The following SRC variants were observed in gnomAD, a reference collection of about 807,000 sequenced individuals.
SRC encodes SRC proto-oncogene, non-receptor tyrosine kinase, also known as proto-oncogene tyrosine-protein kinase Src.
In SRC, 13 loss-of-function variants were observed where a neutral mutation model predicts 62.9. That is an observed-to-expected ratio of 0.21 (90% CI 0.13 to 0.33). The LOEUF is 0.33. Ranked by LOEUF, SRC falls within the 10% of genes least tolerant of loss-of-function variation. The pLI is 1.00. For missense variants in SRC, 457 were observed against 737.3 expected (o/e 0.62, Z 4.40); for synonymous variants, 302 against 317.5 (o/e 0.95, Z 0.52).
intron 1 of SRC, among the ~76,000 whole-genome samples, chr20:37,346,822 C>G (rs6090521): frequency 2.0e-5 from 3 of 152,230 alleles, no homozygotes; most frequent in African/African-American, 7.2e-5. Flanking sequence ...TTGGTCTCCC[C>G]TGCCCACAGC....
At chr20:37,375,972 C>A (rs896938124) in intron 2 of SRC, among the ~76,000 whole-genome samples, 9 of 152,180 alleles carry the variant, frequency 5.9e-5, no homozygotes, top group African/African-American at 1.9e-4. Context: ...GGGCACTAAT[C>A]CCGTCATAAG....
At chr20:37,354,936 G>A (rs1042827596) in intron 1 of SRC, among the ~76,000 whole-genome samples, 11 of 152,222 alleles carry the variant, frequency 7.2e-5, no homozygotes, top group African/African-American at 2.7e-4. Flanking sequence ...TATAGAAAGT[G>A]TCACTGTTAA....
At chr20:37,358,928 G>A (rs2069925411) in intron 1 of SRC, among the ~76,000 whole-genome samples, 1 of 152,284 alleles carries the variant, frequency 6.6e-6, no homozygotes. Context: ...GACCAGGCAT[G>A]TCCTGGCTGC....
At chr20:37,385,300 G>A (rs546449222) in intron 4 of SRC, among the ~76,000 whole-genome samples, 1 of 152,316 alleles carries the variant, frequency 6.6e-6, no homozygotes, top group East Asian at 1.9e-4. Context: ...AGACGCAGAC[G>A]CACGCCCAAG....
At position 37,400,272 on chromosome 20, in the gene SRC, C is replaced by T. The variant is rs369546920; in HGVS notation, c.1017C>T (p.Ile339=). The T allele has an allele frequency of 7.4e-5, 119 of 1,613,170 alleles. No homozygotes were observed. Among genetic ancestry groups the T allele is most frequent in the South Asian group, 3.7e-4 (34 of 90,910 alleles). The change falls in exon 10 of 14, where the codon ATC becomes ATT. Residue 339 remains isoleucine, a synonymous_variant. Coordinates refer to ENST00000373578, the MANE Select transcript of SRC (RefSeq NM_198291.3). The part of the protein sequence containing the change: ...YAVVSEEPIY[I]VTEYMSKGSL... Reference sequence around the variant, plus strand: ...TGGTTTCAGAGGAGCCCATTTACATCGTCACGGAGTACATGAGCAAGGGTG... The same window carrying T: ...TGGTTTCAGAGGAGCCCATTTACATTGTCACGGAGTACATGAGCAAGGGTG...
chr20:37,371,999 C>T (rs1269621249), intron 2 of SRC, among the ~76,000 whole-genome samples: 2 of 151,944 alleles, frequency 1.3e-5, no homozygotes, highest in Admixed American at 6.6e-5. Context: ...CTACACCTGG[C>T]CTATTTCTAT....
intron 5 of SRC, 59 bp from the exon 6 acceptor site, chr20:37,393,836 A>C: frequency 3.9e-6 from 5 of 1,288,564 alleles, no homozygotes; most frequent in Non-Finnish European, 4.5e-6. Flanking sequence ...GATGGTGGGC[A>C]CCGGGCTTGT....
At position 37,384,689 on chromosome 20, in the gene SRC, G is replaced by GT. The variant is rs11086187; in HGVS notation, c.250+286_250+287insT. The stretch of plus-strand genomic sequence containing the variant: ...CCCAAGAAGAAGAAGGGCGGCGCGG[G>GT]ACCGGGCCTGTTGCTGCCTTGGCGC... On this transcript the variant is annotated intron_variant, in intron 4 of 13. Transcript: ENST00000373578. This position sits in a 1 kb window ranked among gnomAD's most constrained non-coding sequence, Gnocchi z 6.7. 0.017 allele frequency among the ~76,000 whole-genome samples: 13 copies of GT among 744 alleles called. No individual in the cohort carries two copies. The highest frequency in any genetic ancestry group is 0.026 in the Non-Finnish European group (12 of 464). The allele number at this position is 744 out of a possible 152,430, so 0.5% of individuals were successfully genotyped here. A position where few individuals can be genotyped will look rare whatever the true frequency, so the allele number is the denominator to read the frequency against.
intron 1 of SRC, among the ~76,000 whole-genome samples, chr20:37,352,750 C>T (rs1225015355): frequency 6.6e-6 from 1 of 152,178 alleles, no homozygotes; most frequent in African/African-American, 2.4e-5. Context: ...TAGAGGTGCC[C>T]TGCCCCGATC....
Position 37,397,581 on chromosome 20 carries a change from C to T in SRC, c.704-118C>T. 1 of 1,341,236 alleles carries T rather than the reference C, an allele frequency of 7.5e-7. No homozygotes were observed. The allele number at this position is 1,341,236 out of a possible 1,614,324, so 83.1% of individuals were successfully genotyped here. On this transcript the variant is annotated intron_variant, in intron 8 of 13. Coordinates refer to ENST00000373578, the MANE Select transcript of SRC (RefSeq NM_198291.3). This position sits in a 1 kb window ranked among gnomAD's most constrained non-coding sequence, Gnocchi z 4.1. ...AGATGTAGATGCCTGGCTTTGAGGG[C>T]ACCCTGCGTGTCCCCTGAAATCTGT... is the stretch of plus-strand genomic sequence containing the variant.
intron 10 of SRC, among the ~76,000 whole-genome samples, chr20:37,401,229 T>C (rs1032770894): frequency 5.9e-5 from 9 of 152,008 alleles, no homozygotes; most frequent in African/African-American, 1.7e-4. Flanking sequence ...TCTCAAACTA[T>C]TGGGCTCAAG....
Position 37,397,718 on chromosome 20 carries a change from C to T in SRC, c.723C>T (p.Cys241=), listed in dbSNP as rs532957956. ...CCTCAGAACACGCCGATGGCCTGTG[C>T]CACCGCCTCACCACCGTGTGCCCCA... is the stretch of plus-strand genomic sequence containing the variant. The part of the protein sequence containing the change: ...AYYSKHADGL[C]HRLTTVCPTS... The change falls in exon 9 of 14, where the codon TGC becomes TGT. Residue 241 remains cysteine (C), a synonymous_variant. Transcript: ENST00000373578. The surrounding 1 kb of genome is among the most constrained non-coding windows in gnomAD (Gnocchi z 4.1). 2 of 1,594,370 alleles carry T rather than the reference C, an allele frequency of 1.3e-6. No individual in the cohort carries two copies. Among genetic ancestry groups the T allele is most frequent in the East Asian group, 4.5e-5 (2 of 44,482 alleles).
chr20:37,374,406 C>T (rs1475991361), intron 2 of SRC, among the ~76,000 whole-genome samples: 1 of 151,766 alleles, frequency 6.6e-6, no homozygotes, highest in African/African-American at 2.4e-5. Flanking sequence ...AGCTTTCTTT[C>T]ATTTTATTTT....
chr20:37,374,799 T>C (rs1314028646), intron 2 of SRC, among the ~76,000 whole-genome samples: 1 of 152,034 alleles, frequency 6.6e-6, no homozygotes, highest in African/African-American at 2.4e-5. Context: ...GATCTTGAAC[T>C]CCTGACCTCA....
chr20:37,373,105 T>C lies in SRC; in HGVS notation c.-173+7828T>C, dbSNP rs141345691. On this transcript the variant is annotated intron_variant, in intron 2 of 13. Transcript: ENST00000373578. ...ATACATATATAAATACATATACACA[T>C]ATATGTACACACACATATGTACATA... Among the ~76,000 whole-genome samples the C allele has an allele frequency of 5.9e-3, 807 of 137,850 alleles. 5 individuals carry two copies. Among genetic ancestry groups the C allele is most frequent in the African/African-American group, 0.026 (767 of 29,936 alleles). 90.4% of individuals were successfully genotyped at this position (137,850 alleles called of 152,430 possible).
chr20:37,377,932 A>C (rs376766868), intron 2 of SRC, among the ~76,000 whole-genome samples: 2 of 152,118 alleles, frequency 1.3e-5, no homozygotes, highest in East Asian at 3.9e-4. Context: ...TATGGGGTAC[A>C]TGAGATATCT....
In SRC at chr20:37,402,398, T is replaced by C. The variant is rs1429724733; in HGVS notation, c.1117-37T>C. On this transcript the variant is annotated intron_variant, in intron 11 of 13. Transcript: ENST00000373578. This position sits in a 1 kb window ranked among gnomAD's most constrained non-coding sequence, Gnocchi z 6.2. ...CTCTGTGGCCCTGGGAGGGCATGGG[T>C]GGCACCTGAGCCAGGCTCCCACGGT... 3 of 1,601,174 alleles carry C rather than the reference T, an allele frequency of 1.9e-6. No individual in the cohort carries two copies. The African/African-American group carries it at 4.0e-5, about 22-fold the overall frequency.
At chr20:37,353,330 A>G (rs2069834857) in intron 1 of SRC, among the ~76,000 whole-genome samples, 1 of 152,180 alleles carries the variant, frequency 6.6e-6, no homozygotes, top group Non-Finnish European at 1.5e-5. Context: ...CTCTGTGAAT[A>G]GCATGACTTA....
chr20:37,373,277 CACACACAT>C (rs2070211791), intron 2 of SRC, among the ~76,000 whole-genome samples: 2 of 151,346 alleles, frequency 1.3e-5, no homozygotes, highest in Non-Finnish European at 2.9e-5. Flanking sequence ...CGCACACACA[CACACACAT>C]ATTACATATG....
Sources: gnomAD v4.1 joint callset for allele counts (sites outside exome capture counted in the v4.1 genomes callset) on GRCh38, gnomAD v4.1.1 for gene constraint, Gnocchi (gnomAD v3.1) non-coding constraint, MANE v1.5 for transcripts, NCBI Gene and HGNC (gene_info 2026-07-23, HGNC 2026-07-21) for gene names.